Variants in GPALPP1 observed in about 807,000 individuals in gnomAD.
GPALPP1 encodes GPALPP motifs-containing protein 1.
GPALPP1 carries 30 observed loss-of-function variants against 38.9 expected under a neutral mutation model. The ratio of observed to expected loss-of-function variants is 0.77; its 90% CI spans 0.58 to 1.05. The LOEUF is 1.05. GPALPP1 is among the 50% of genes least tolerant of loss of function. The pLI, the probability that GPALPP1 is intolerant of heterozygous loss-of-function variation, is 0.00. For synonymous variants in GPALPP1, 120 were observed against 139.2 expected (o/e 0.86, Z 0.97); for missense variants, 384 against 408.8 (o/e 0.94, Z 0.52).
chr13:45,012,201 G>T (rs1874527161), intron 4 of GPALPP1, among the ~76,000 whole-genome samples: 1 of 152,128 alleles, frequency 6.6e-6, no homozygotes, highest in South Asian at 2.1e-4. Context: ...TCAAAGTTCT[G>T]CTCTGTCTGT....
intron 1 of GPALPP1, among the ~76,000 whole-genome samples, chr13:45,002,903 CAG>C (rs1036393442): frequency 6.6e-5 from 10 of 152,188 alleles, no homozygotes; most frequent in African/African-American, 2.4e-4. Context: ...GTCTTTTTCT[CAG>C]AGAGATTTTT....
chr13:44,989,619 T>G lies in GPALPP1; in HGVS notation c.-36T>G. 1 of 1,566,236 alleles carries G rather than the reference T, an allele frequency of 6.4e-7. No homozygotes were observed. On this transcript the variant is annotated 5_prime_UTR_variant, in exon 1 of 8. Coordinates refer to ENST00000379151, the MANE Select transcript of GPALPP1 (RefSeq NM_018559.5). ...TTTGGATAGGGTTGACGTTCGTGGA[T>G]AGACTCATATCTGTGACCAGTGTCC...
intron 4 of GPALPP1, among the ~76,000 whole-genome samples, chr13:45,010,542 A>G (rs1317242611): frequency 1.3e-5 from 2 of 152,236 alleles, no homozygotes; most frequent in Non-Finnish European, 2.9e-5. Flanking sequence ...TGTCGAATGA[A>G]TGAATGAATC....
At chr13:45,021,998 T>G (rs1243402180) in intron 7 of GPALPP1, among the ~76,000 whole-genome samples, 1 of 152,174 alleles carries the variant, frequency 6.6e-6, no homozygotes, top group African/African-American at 2.4e-5. Flanking sequence ...TCAAAAAAAC[T>G]TATCCAAGAA....
intron 4 of GPALPP1, among the ~76,000 whole-genome samples, chr13:45,011,507 A>G (rs917271590): frequency 6.6e-6 from 1 of 152,166 alleles, no homozygotes; most frequent in Non-Finnish European, 1.5e-5. Flanking sequence ...CCATCTTCAC[A>G]TGGCAGCACC....
chr13:44,994,961 C>G (rs140300228), intron 1 of GPALPP1, among the ~76,000 whole-genome samples: 1 of 152,044 alleles, frequency 6.6e-6, no homozygotes, highest in Non-Finnish European at 1.5e-5. Context: ...TCAAGCTATT[C>G]TCCTGCCTCA....
chr13:45,035,637 A>G (rs1876381015), exon 8 of GPALPP1: 1 of 152,250 alleles, frequency 6.6e-6, no homozygotes. Flanking sequence ...TCAAGTCTCT[A>G]GAATTCTGGA....
intron 2 of GPALPP1, among the ~76,000 whole-genome samples, chr13:45,005,406 TTTTCC>T (rs935496036): frequency 8.5e-5 from 13 of 152,242 alleles, no homozygotes; most frequent in African/African-American, 2.4e-4. Flanking sequence ...AGCTGAATGA[TTTTCC>T]TCTAATCTGG....
rs1369736454 is a variant in GPALPP1, at chr13:44,999,589, C to CT, written c.89-4710dup. 4.6e-5 allele frequency among the ~76,000 whole-genome samples: 7 copies of CT among 152,140 alleles called. No homozygotes were observed. In the South Asian group the frequency reaches 1.5e-3, roughly 32 times the overall value. Reference sequence around the variant, plus strand: ...TGACTGACACTTTTAATATTCTTCTCTTTTTTCTTGAGACAGAGTCTCACT... The same window carrying CT: ...TGACTGACACTTTTAATATTCTTCTCTTTTTTTCTTGAGACAGAGTCTCACT... On this transcript the variant is annotated intron_variant, in intron 1 of 7. Coordinates refer to ENST00000379151, the MANE Select transcript of GPALPP1 (RefSeq NM_018559.5).
In GPALPP1 at chr13:45,019,074, T is replaced by TATAC. The variant is rs1555256356; in HGVS notation, c.706-1255_706-1254insTACA. 1.8e-4 allele frequency among the ~76,000 whole-genome samples: 24 copies of TATAC among 136,430 alleles called. 2 individuals are homozygous for TATAC. In the East Asian group the frequency reaches 3.3e-3, roughly 19 times the overall value. 89.5% of individuals were successfully genotyped at this position (136,430 alleles called of 152,430 possible). ...ATATAAATATATACATATAAATATA[T>TATAC]ACATATAAATATATGTATATATATT... On this transcript the variant is annotated intron_variant, in intron 6 of 7. Transcript: ENST00000379151.
chr13:44,991,971 C>G (rs773769723), intron 1 of GPALPP1, among the ~76,000 whole-genome samples: 22 of 152,296 alleles, frequency 1.4e-4, no homozygotes, highest in South Asian at 4.1e-4. Context: ...ATATAGTCAT[C>G]CATTAGATGA....
intron 1 of GPALPP1, among the ~76,000 whole-genome samples, chr13:45,002,748 T>C (rs1873789815): frequency 1.3e-5 from 2 of 152,226 alleles, no homozygotes; most frequent in African/African-American, 4.8e-5. Context: ...GGCCCCTTTA[T>C]ACCATCCAAC....
At chr13:45,021,781 C>T (rs533379843) in intron 7 of GPALPP1, among the ~76,000 whole-genome samples, 14 of 152,062 alleles carry the variant, frequency 9.2e-5, no homozygotes, top group Non-Finnish European at 1.6e-4. Context: ...CCATATGAAG[C>T]GGTATTTAGA....
At position 45,015,537 on chromosome 13, in the gene GPALPP1, A is replaced by G; in HGVS notation, c.646A>G (p.Thr216Ala). 1 of 1,602,040 alleles carries G rather than the reference A, an allele frequency of 6.2e-7. No homozygotes were observed. Reference sequence around the variant, plus strand: ...GACTTTTAAGAGAAGAGCTGATGACACATCTGGAGATCGATCAATCTGGAC... The same window carrying G: ...GACTTTTAAGAGAAGAGCTGATGACGCATCTGGAGATCGATCAATCTGGAC... ...PRTFKRRADD[T>A]SGDRSIWTDT... Residue 216 changes from threonine to alanine, a missense_variant, in exon 6 of 8, where the codon ACA becomes GCA. Transcript: ENST00000379151.
In GPALPP1 at chr13:45,004,321, G is replaced by A; in HGVS notation, c.105G>A (p.Leu35=). Residue 35 remains leucine, a synonymous_variant, in exon 2 of 8, where the codon CTG becomes CTA. Coordinates refer to ENST00000379151, the MANE Select transcript of GPALPP1 (RefSeq NM_018559.5). ...RDPSPVAGPA[L]PPNYKSSSSD... ...GTTCTTTAGTTGCAGGACCAGCTCT[G>A]CCCCCTAATTATAAAAGCAGTAGTT... is the stretch of plus-strand genomic sequence containing the variant. 1 of 1,612,226 alleles carries A rather than the reference G, an allele frequency of 6.2e-7. No homozygotes were observed. Among genetic ancestry groups the A allele is most frequent in the Non-Finnish European group, 8.5e-7 (1 of 1,178,596 alleles).
chr13:45,015,399 C>G (rs1443049831), intron 5 of GPALPP1, 33 bp from the exon 6 acceptor site: 1 of 1,418,224 alleles, frequency 7.1e-7, no homozygotes, highest in Non-Finnish European at 9.6e-7. Context: ...ACGATATGTA[C>G]TTTCTATGCT....
At chr13:45,017,512 T>G (rs1020376593) in intron 6 of GPALPP1, among the ~76,000 whole-genome samples, 1 of 152,222 alleles carries the variant, frequency 6.6e-6, no homozygotes, top group Non-Finnish European at 1.5e-5. Flanking sequence ...GGAGTTTTTA[T>G]AATTTGGCCT....
At chr13:45,012,313 CTG>C (rs1334802928) in intron 4 of GPALPP1, among the ~76,000 whole-genome samples, 1 of 152,098 alleles carries the variant, frequency 6.6e-6, no homozygotes, top group African/African-American at 2.4e-5. Flanking sequence ...GTCATTCTAT[CTG>C]TAACCTACTT....
intron 6 of GPALPP1, among the ~76,000 whole-genome samples, chr13:45,019,002 C>CATATAAAT (rs1174841471): frequency 3.9e-4 from 22 of 56,752 alleles, no homozygotes; most frequent in East Asian, 3.1e-3. Flanking sequence ...AATATATATA[C>CATATAAAT]ATATAAATAT....
Sources: gnomAD v4.1 joint callset for allele counts (sites outside exome capture counted in the v4.1 genomes callset) on GRCh38, gnomAD v4.1.1 for gene constraint, MANE v1.5 for transcripts, NCBI Gene and HGNC (gene_info 2026-07-23, HGNC 2026-07-21) for gene names.